RIMS1: variants seen among roughly 807,000 people sequenced by gnomAD.
RIMS1 encodes regulating synaptic membrane exocytosis 1, also known as regulating synaptic membrane exocytosis protein 1.
Under a neutral mutation model 214.1 loss-of-function variants are expected in RIMS1, and 83 were observed. The observed-to-expected ratio is 0.39, with a 90% CI of 0.32 to 0.47. The LOEUF is 0.47. RIMS1 is among the 20% of genes least tolerant of loss of function. RIMS1 has a pLI of 0.99. For missense variants in RIMS1, 2,050 were observed against 2,161.8 expected (o/e 0.95, Z 1.03); for synonymous variants, 793 against 786.8 (o/e 1.01, Z -0.13).
chr6:72,314,361 A>G (rs756426974), intron 28 of RIMS1, among the ~76,000 whole-genome samples: 2 of 152,212 alleles, frequency 1.3e-5, no homozygotes, highest in Non-Finnish European at 2.9e-5. Context: ...CAATTTAAGG[A>G]ATTTTGGTGT....
intron 1 of RIMS1, among the ~76,000 whole-genome samples, chr6:71,957,749 A>G (rs1791712297): frequency 6.6e-6 from 1 of 150,632 alleles, no homozygotes; most frequent in South Asian, 2.1e-4. Context: ...TAAAAGTATA[A>G]TAAACTAAAT....
intron 4 of RIMS1, chr6:72,126,725 A>T (rs541194228): frequency 8.0e-6 from 2 of 250,044 alleles, no homozygotes; most frequent in East Asian, 2.4e-4. Flanking sequence ...AACAACAATG[A>T]TATACCACCT....
At chr6:72,041,832 A>G (rs1562185042) in intron 2 of RIMS1, among the ~76,000 whole-genome samples, 1 of 151,966 alleles carries the variant, frequency 6.6e-6, no homozygotes, top group Non-Finnish European at 1.5e-5. Flanking sequence ...ACCCTATAGG[A>G]TAGATACTCT....
At chr6:72,192,442 A>G (rs1012359111) in intron 6 of RIMS1, among the ~76,000 whole-genome samples, 1 of 152,188 alleles carries the variant, frequency 6.6e-6, no homozygotes, top group Non-Finnish European at 1.5e-5. Flanking sequence ...CCTTCATTCA[A>G]TGGGTGCTGG....
chr6:71,992,563 C>G (rs1424059929), intron 2 of RIMS1, among the ~76,000 whole-genome samples: 1 of 149,126 alleles, frequency 6.7e-6, no homozygotes, highest in Non-Finnish European at 1.5e-5. Flanking sequence ...TCTTCCTCTT[C>G]TTCTTCTTCT....
At position 72,351,233 on chromosome 6, in the gene RIMS1, C is replaced by T. The variant is rs558445084; in HGVS notation, c.4366+17398C>T. 4.6e-5 allele frequency among the ~76,000 whole-genome samples: 7 copies of T among 151,958 alleles called. No individual in the cohort carries two copies. In the East Asian group the frequency reaches 1.2e-3, roughly 25 times the overall value. On this transcript the variant is annotated intron_variant, in intron 29 of 33. Coordinates refer to ENST00000521978, the MANE Select transcript of RIMS1 (RefSeq NM_014989.7). ...GCCATTAGCTCTGTTTTAAGCTTTA[C>T]CTTTGTTCCCACCATTAAATTTTTA...
At chr6:71,998,086 G>A (rs1208239904) in intron 2 of RIMS1, among the ~76,000 whole-genome samples, 4 of 151,974 alleles carry the variant, frequency 2.6e-5, no homozygotes, top group Admixed American at 6.6e-5. Context: ...TCTCAGGATG[G>A]GATCTGTGGG....
intron 31 of RIMS1, 85 bp downstream of exon 31, chr6:72,392,895 C>T: frequency 1.1e-6 from 1 of 919,544 alleles, no homozygotes; most frequent in South Asian, 1.5e-5. Context: ...TGTGTAATAG[C>T]AATACAAGTG....
chr6:71,914,175 T>C (rs1777697524), intron 1 of RIMS1, among the ~76,000 whole-genome samples: 1 of 152,184 alleles, frequency 6.6e-6, no homozygotes. Flanking sequence ...TAGGAAAATA[T>C]GATCCCAGGG....
chr6:72,013,451 G>C (rs1343627067), intron 2 of RIMS1, among the ~76,000 whole-genome samples: 1 of 152,114 alleles, frequency 6.6e-6, no homozygotes, highest in Non-Finnish European at 1.5e-5. Context: ...GACAAAATAT[G>C]TGATCCTTAC....
chr6:72,032,652 G>A (rs888774386), intron 2 of RIMS1, among the ~76,000 whole-genome samples: 1 of 152,150 alleles, frequency 6.6e-6, no homozygotes, highest in African/African-American at 2.4e-5. Context: ...AAAATAAAAT[G>A]TGTAAAATAA....
At chr6:72,341,593 A>G (rs1362183033) in intron 29 of RIMS1, among the ~76,000 whole-genome samples, 1 of 151,888 alleles carries the variant, frequency 6.6e-6, no homozygotes, top group Non-Finnish European at 1.5e-5. Flanking sequence ...TATCCCAGGC[A>G]CAGTGGGTGT....
At position 72,251,382 on chromosome 6, in the gene RIMS1, CT is replaced by C. The variant is rs773251790; in HGVS notation, c.2698+18del. The C allele has an allele frequency of 1.3e-6, 2 of 1,548,932 alleles. No homozygotes were observed. The highest frequency in any genetic ancestry group is 1.4e-5 in the African/African-American group (1 of 72,676). On this transcript the variant is annotated intron_variant, in intron 15 of 33. Coordinates refer to ENST00000521978, the MANE Select transcript of RIMS1 (RefSeq NM_014989.7). ...AAAAGCTACAAAGTAGGTTAAGGTC[CT>C]TTTAGTTGCCACAAAGTAATTATGC...
chr6:72,078,678 A>T (rs980892412), intron 2 of RIMS1, among the ~76,000 whole-genome samples: 1 of 151,928 alleles, frequency 6.6e-6, no homozygotes, highest in Non-Finnish European at 1.5e-5. Flanking sequence ...AAACAAACAC[A>T]AAAAAACAAG....
At chr6:72,128,893 A>C (rs2040015445) in intron 4 of RIMS1, among the ~76,000 whole-genome samples, 1 of 152,186 alleles carries the variant, frequency 6.6e-6, no homozygotes, top group South Asian at 2.1e-4. Context: ...TTGAGGTGTT[A>C]ATTTCCTTTG....
intron 9 of RIMS1, among the ~76,000 whole-genome samples, chr6:72,240,506 G>A (rs983799441): frequency 1.3e-5 from 2 of 151,042 alleles, no homozygotes; most frequent in South Asian, 2.1e-4. Flanking sequence ...ATATACACAC[G>A]CACATATATA....
intron 2 of RIMS1, among the ~76,000 whole-genome samples, chr6:72,012,131 C>G (rs914638153): frequency 1.2e-4 from 18 of 152,266 alleles, no homozygotes; most frequent in African/African-American, 4.3e-4. Flanking sequence ...ACATATACAC[C>G]ATGGAATACT....
At chr6:72,396,938 A>G (rs903012712) in intron 31 of RIMS1, among the ~76,000 whole-genome samples, 6 of 152,058 alleles carry the variant, frequency 3.9e-5, no homozygotes, top group African/African-American at 1.4e-4. Context: ...GCTTCAGCCC[A>G]GGAGATGGAG....
intron 2 of RIMS1, among the ~76,000 whole-genome samples, chr6:72,095,947 C>T (rs1328364799): frequency 6.6e-6 from 1 of 152,216 alleles, no homozygotes; most frequent in Non-Finnish European, 1.5e-5. Context: ...CAGGACAACT[C>T]TCAGTTCTCA....
Sources: gnomAD v4.1 joint callset for allele counts (sites outside exome capture counted in the v4.1 genomes callset) on GRCh38, gnomAD v4.1.1 for gene constraint, MANE v1.5 for transcripts, NCBI Gene and HGNC (gene_info 2026-07-23, HGNC 2026-07-21) for gene names.